Variants in SLC20A2 observed in about 807,000 individuals in gnomAD.
SLC20A2 encodes the protein sodium-dependent phosphate transporter 2.
In SLC20A2, 30 loss-of-function variants were observed where a neutral mutation model predicts 61.0. The ratio of observed to expected loss-of-function variants is 0.49; its 90% CI spans 0.37 to 0.67. The LOEUF is 0.67. Ranked by LOEUF, SLC20A2 falls within the 30% of genes least tolerant of loss-of-function variation. The probability of loss-of-function intolerance (pLI) is 0.00; values close to 1 mark genes in which losing one functional copy is unlikely to be tolerated. For missense variants in SLC20A2, 626 were observed against 866.4 expected (o/e 0.72, Z 3.48); for synonymous variants, 351 against 353.3 (o/e 0.99, Z 0.07).
At chr8:42,505,661 G>A (rs772251153), upstream of SLC20A2, among the ~76,000 whole-genome samples, 9 of 152,034 alleles carry the variant, frequency 5.9e-5, no homozygotes, top group Non-Finnish European at 1.3e-4. Context: ...ACTATTTAAG[G>A]TTGAGGCAGG....
Position 42,469,473 on chromosome 8 carries a change from C to T in SLC20A2, c.289+2629G>A, listed in dbSNP as rs567239921. Among the ~76,000 whole-genome samples the T allele has an allele frequency of 9.9e-5, 15 of 152,258 alleles. No homozygotes were observed. The South Asian group carries it at 1.2e-3, about 13-fold the overall frequency. On this transcript the variant is annotated intron_variant, in intron 2 of 10. Transcript: ENST00000520262. ...AGAGCCAAACGCCAGGGGTGGGGAA[C>T]GGAGAAATGATCCCGTCTGCAGAAA...
At chr8:42,418,580 G>T (rs1037079185) in intron 10 of SLC20A2, among the ~76,000 whole-genome samples, 5 of 152,058 alleles carry the variant, frequency 3.3e-5, no homozygotes, top group African/African-American at 1.2e-4. Context: ...TAGAGATGGG[G>T]TTTCGCCATG....
chr8:42,502,192 CAGGGTAATTCCA>C (rs1586219696), upstream of SLC20A2: 1 of 150,754 alleles, frequency 6.6e-6, no homozygotes, highest in South Asian at 2.1e-4. Flanking sequence ...AGGTAAAAGA[CAGGGTAATTCCA>C]TTTCAACGAC....
chr8:42,420,180 C>T (rs894957936), intron 10 of SLC20A2, among the ~76,000 whole-genome samples: 14 of 148,956 alleles, frequency 9.4e-5, no homozygotes, highest in Admixed American at 4.7e-4. Flanking sequence ...AGTAAAACTC[C>T]GTCTCAAAAA....
intron 5 of SLC20A2, among the ~76,000 whole-genome samples, chr8:42,445,073 C>T (rs1805101890): frequency 6.6e-6 from 1 of 152,086 alleles, no homozygotes; most frequent in Admixed American, 6.6e-5. Flanking sequence ...GGGAGGATCA[C>T]CTGAGGTCAG....
intron 1 of SLC20A2, among the ~76,000 whole-genome samples, chr8:42,486,690 C>A (rs1809038747): frequency 6.6e-6 from 1 of 152,188 alleles, no homozygotes; most frequent in Admixed American, 6.5e-5. Flanking sequence ...TTGAGTTCCA[C>A]TGGACTTGAC....
chr8:42,527,132 G>A (rs1178729196), intron 1 of SLC20A2, among the ~76,000 whole-genome samples: 3 of 151,642 alleles, frequency 2.0e-5, no homozygotes, highest in African/African-American at 7.3e-5. Context: ...TGGGCCGGGT[G>A]TGGTGGCTCG....
rs1275124036 is a variant in SLC20A2 at position 42,528,661 on chromosome 8, CTATTT to C, written c.-265+13155_-265+13159del. ...TTCCATCATATCCTGCCTCAATGTC[CTATTT>C]TATTTTTTTAATTTTTTTTGAGATG... On this transcript the variant is annotated intron_variant, in intron 1 of 10. Transcript: ENST00000342228. Among the ~76,000 whole-genome samples, 16 of 151,774 alleles carry C rather than the reference CTATTT, an allele frequency of 1.1e-4. No homozygotes were observed. The East Asian group carries it at 2.9e-3, about 28-fold the overall frequency.
intron 1 of SLC20A2, among the ~76,000 whole-genome samples, chr8:42,492,048 C>T (rs1272563249): frequency 6.6e-6 from 1 of 152,136 alleles, no homozygotes; most frequent in Non-Finnish European, 1.5e-5. Flanking sequence ...CCTCTTTCTT[C>T]TCCCCAAAGG....
intron 5 of SLC20A2, among the ~76,000 whole-genome samples, chr8:42,455,259 G>T (rs79759318): frequency 0.31 from 17,365 of 55,938 alleles, 1,869 homozygotes; most frequent in African/African-American, 0.46. Context: ...TATATATATA[G>T]AGAGAGAGAG....
chr8:42,515,494 G>A (rs1485477200), intron 1 of SLC20A2, among the ~76,000 whole-genome samples: 3 of 152,168 alleles, frequency 2.0e-5, no homozygotes, highest in Non-Finnish European at 4.4e-5. Context: ...CTCTCCAGGT[G>A]CCGGCGCTGT....
At chr8:42,515,653 C>T (rs1324516672) in intron 1 of SLC20A2, among the ~76,000 whole-genome samples, 6 of 152,080 alleles carry the variant, frequency 3.9e-5, no homozygotes, top group Non-Finnish European at 7.4e-5. Flanking sequence ...TCTAACCCAC[C>T]CCTTCCCCGC....
At chr8:42,474,576 A>G (rs902547199) in intron 1 of SLC20A2, among the ~76,000 whole-genome samples, 1 of 152,196 alleles carries the variant, frequency 6.6e-6, no homozygotes, top group Non-Finnish European at 1.5e-5. Flanking sequence ...CAAAACTTTA[A>G]AAATTGGGGG....
intron 1 of SLC20A2, chr8:42,484,772 T>G: frequency 3.0e-6 from 1 of 338,582 alleles, no homozygotes; most frequent in Non-Finnish European, 5.8e-6. Context: ...GCCAGGCAGC[T>G]AAAGGCTGCT....
At chr8:42,460,242 C>T (rs73631794) in intron 4 of SLC20A2, 3 of 352,678 alleles carry the variant, frequency 8.5e-6, no homozygotes, top group Admixed American at 7.6e-5. Context: ...ACATTAAAGC[C>T]CTGGAATCAC....
intron 1 of SLC20A2, among the ~76,000 whole-genome samples, chr8:42,526,417 T>C (rs189252356): frequency 6.6e-6 from 1 of 151,898 alleles, no homozygotes; most frequent in Admixed American, 6.5e-5. Context: ...CTCACGCCTG[T>C]AATCCCAGGA....
intron 5 of SLC20A2, among the ~76,000 whole-genome samples, chr8:42,449,644 A>C (rs1012283483): frequency 1.3e-5 from 2 of 152,206 alleles, no homozygotes; most frequent in Non-Finnish European, 2.9e-5. Context: ...TTATTGACTC[A>C]ATGCAGATTC....
At chr8:42,449,265 G>A (rs1192368745) in intron 5 of SLC20A2, among the ~76,000 whole-genome samples, 3 of 152,106 alleles carry the variant, frequency 2.0e-5, no homozygotes, top group African/African-American at 4.8e-5. Context: ...AGGAACCCGC[G>A]CAAGGAGCTC....
At chr8:42,418,795 G>A (rs1802843874) in intron 10 of SLC20A2, among the ~76,000 whole-genome samples, 1 of 151,756 alleles carries the variant, frequency 6.6e-6, no homozygotes, top group Non-Finnish European at 1.5e-5. Context: ...TCAGGAGATG[G>A]AGACCATCCT....
Sources: gnomAD v4.1 joint callset for allele counts (sites outside exome capture counted in the v4.1 genomes callset) on GRCh38, gnomAD v4.1.1 for gene constraint, MANE v1.5 for transcripts, NCBI Gene and HGNC (gene_info 2026-07-23, HGNC 2026-07-21) for gene names.